The following PPP1R16B variants were observed in gnomAD, a reference collection of about 807,000 sequenced individuals.
PPP1R16B encodes the protein protein phosphatase 1 regulatory subunit 16B, also known as protein phosphatase 1 regulatory inhibitor subunit 16B.
A neutral mutation model predicts 61.7 loss-of-function variants in PPP1R16B; 14 were observed. The ratio of observed to expected loss-of-function variants is 0.23; its 90% CI spans 0.15 to 0.35. PPP1R16B has a LOEUF of 0.35. PPP1R16B is among the 10% of genes least tolerant of loss of function. The probability of loss-of-function intolerance (pLI) is 1.00; values close to 1 mark genes in which losing one functional copy is unlikely to be tolerated. For missense variants in PPP1R16B, 547 were observed against 752.5 expected (o/e 0.73, Z 3.19); for synonymous variants, 266 against 305.3 (o/e 0.87, Z 1.34).
chr20:38,893,671 C>G (rs1435658340), intron 3 of PPP1R16B, among the ~76,000 whole-genome samples: 2 of 152,074 alleles, frequency 1.3e-5, no homozygotes, highest in Admixed American at 6.6e-5. Flanking sequence ...GCCCACTCCA[C>G]CAGCTACCAC....
chr20:38,863,661 T>G (rs962643909), intron 2 of PPP1R16B, among the ~76,000 whole-genome samples: 2 of 152,164 alleles, frequency 1.3e-5, no homozygotes, highest in Non-Finnish European at 2.9e-5. Context: ...AACACCCACC[T>G]CAAGGGAATT....
At chr20:38,879,777 T>C (rs1483541478) in intron 2 of PPP1R16B, among the ~76,000 whole-genome samples, 1 of 152,174 alleles carries the variant, frequency 6.6e-6, no homozygotes, top group Non-Finnish European at 1.5e-5. Context: ...ACCCCTTCTG[T>C]CTAGCAGAGA....
chr20:38,851,537 T>G (rs1477330427), intron 2 of PPP1R16B, among the ~76,000 whole-genome samples: 1 of 151,824 alleles, frequency 6.6e-6, no homozygotes, highest in Admixed American at 6.6e-5. Flanking sequence ...TACAACAAAA[T>G]GTGATGGATC....
chr20:38,900,057 G>T (rs6028189), intron 4 of PPP1R16B, among the ~76,000 whole-genome samples: 3 of 151,984 alleles, frequency 2.0e-5, no homozygotes. Context: ...CCCTCCCAAA[G>T]TGCTGGGATT....
In PPP1R16B at chr20:38,806,447, G is replaced by A. The variant is rs1247641515; in HGVS notation, c.-102+655G>A. ...AGGGGCGCGCCCGGCCTCTCCCAGG[G>A]CCCCGTGCGCCGGCGGCTGGGTCCC... On this transcript the variant is annotated intron_variant, in intron 1 of 10. Transcript: ENST00000299824. The surrounding 1 kb of genome is among the most constrained non-coding windows in gnomAD (Gnocchi z 4.5). 6.6e-6 allele frequency among the ~76,000 whole-genome samples: 1 copy of A among 152,042 alleles called. No homozygotes were observed. The highest frequency in any genetic ancestry group is 1.5e-5 in the Non-Finnish European group (1 of 67,970).
chr20:38,860,067 G>A (rs144369842), intron 2 of PPP1R16B, among the ~76,000 whole-genome samples: 58 of 152,260 alleles, frequency 3.8e-4, no homozygotes, highest in Non-Finnish European at 7.5e-4. Flanking sequence ...TCCACCTTCC[G>A]AGTTCAAGTG....
chr20:38,809,985 G>GAAAAAAAAAAAAAAAAAAAAAAA (rs11086731), intron 1 of PPP1R16B, among the ~76,000 whole-genome samples: 1 of 80,150 alleles, frequency 1.2e-5, no homozygotes, highest in African/African-American at 4.7e-5. Context: ...ACCTTGTTTC[G>GAAAAAAAAAAAAAAAAAAAAAAA]AAAAAAAAAA....
At chr20:38,810,011 A>C (rs13039694) in intron 1 of PPP1R16B, among the ~76,000 whole-genome samples, 5 of 150,388 alleles carry the variant, frequency 3.3e-5, no homozygotes, top group African/African-American at 1.2e-4. Flanking sequence ...AAAAAACAAA[A>C]CCAAAAAACT....
In PPP1R16B at chr20:38,907,320, TGGATGGA is replaced by T. The variant is rs1356235163; in HGVS notation, c.898+267_898+273del. 1.5e-4 allele frequency among the ~76,000 whole-genome samples: 15 copies of T among 102,734 alleles called. No homozygotes were observed. The highest frequency in any genetic ancestry group is 3.2e-4 in the Non-Finnish European group (15 of 46,926). The allele number at this position is 102,734 out of a possible 152,430, so 67.4% of individuals were successfully genotyped here. On this transcript the variant is annotated intron_variant, in intron 8 of 10. Transcript: ENST00000299824. The surrounding 1 kb of genome is among the most constrained non-coding windows in gnomAD (Gnocchi z 4.5). ...ATGGATGGGTGGGTGGGTGGATGGA[TGGATGGA>T]TGGATGGATGGATGGATGGATAGAC...
chr20:38,817,565 C>CAAAA (rs773898309), intron 1 of PPP1R16B, among the ~76,000 whole-genome samples: 2 of 50,678 alleles, frequency 3.9e-5, no homozygotes. Flanking sequence ...AACTCCATCT[C>CAAAA]AAAAAAAAAA....
At chr20:38,894,690 C>G (rs1302239891) in intron 3 of PPP1R16B, among the ~76,000 whole-genome samples, 4 of 152,192 alleles carry the variant, frequency 2.6e-5, no homozygotes, top group African/African-American at 9.7e-5. Flanking sequence ...AGAGTTTCAT[C>G]CCGCAGTCTG....
At position 38,836,556 on chromosome 20, in the gene PPP1R16B, T is replaced by C. The variant is rs550288007; in HGVS notation, c.250+381T>C. 2.0e-5 allele frequency among the ~76,000 whole-genome samples: 3 copies of C among 152,338 alleles called. No homozygotes were observed. In the East Asian group the frequency reaches 5.8e-4, roughly 29 times the overall value. On this transcript the variant is annotated intron_variant, in intron 2 of 10. Transcript: ENST00000299824. ...AAAATTTGTAGAGATGGGGGTCTCA[T>C]TCTGTTGCCCTGGCTGGTCTCGAAT...
chr20:38,889,562 C>T (rs201731633), intron 2 of PPP1R16B, 33 bp from the exon 3 acceptor site: 133 of 1,528,458 alleles, frequency 8.7e-5, no homozygotes, highest in Non-Finnish European at 1.1e-4. Flanking sequence ...CAGTGTGCAA[C>T]GGGAAGCTCA....
chr20:38,896,662 G>T (rs1601299498), intron 4 of PPP1R16B, among the ~76,000 whole-genome samples: 2 of 151,954 alleles, frequency 1.3e-5, no homozygotes, highest in African/African-American at 4.8e-5. Context: ...CAGGTTAGTG[G>T]TATTAAGTAC....
chr20:38,855,907 C>CATATATATATATATATATAT (rs371138532), intron 2 of PPP1R16B, among the ~76,000 whole-genome samples: 2 of 17,776 alleles, frequency 1.1e-4, no homozygotes, highest in East Asian at 2.4e-3. Flanking sequence ...CAGTTTCCTA[C>CATATATATATATATATATAT]ATATATATAT....
In PPP1R16B at chr20:38,907,792, C is replaced by T; in HGVS notation, c.899-14C>T. ...TGGCCCCGTCCCCCACAACAGACTC[C>T]TCTGCCCCTTCAGACCTGTGCGAGG... On this transcript the variant is annotated splice_polypyrimidine_tract_variant and intron_variant, in intron 8 of 10. Transcript: ENST00000299824. This position sits in a 1 kb window ranked among gnomAD's most constrained non-coding sequence, Gnocchi z 4.5. 1.2e-6 allele frequency: 2 copies of T among 1,613,890 alleles called. No homozygotes were observed. Among genetic ancestry groups the T allele is most frequent in the Non-Finnish European group, 1.7e-6 (2 of 1,179,936 alleles).
At position 38,886,149 on chromosome 20, in the gene PPP1R16B, G is replaced by A. The variant is rs142146921; in HGVS notation, c.251-3446G>A. 1.1e-3 allele frequency among the ~76,000 whole-genome samples: 171 copies of A among 152,298 alleles called. 1 individual carries two copies. Among genetic ancestry groups the A allele is most frequent in the Middle Eastern group, 6.8e-3 (2 of 292 alleles). Reference sequence around the variant, plus strand: ...CAGGGAGCCCGGTTGTGCACTGGGCGCCGAGGACTTTGCTCCTGTGAGTAG... The same window carrying A: ...CAGGGAGCCCGGTTGTGCACTGGGCACCGAGGACTTTGCTCCTGTGAGTAG... On this transcript the variant is annotated intron_variant, in intron 2 of 10. Transcript: ENST00000299824.
chr20:38,853,779 G>A (rs1324955655), intron 2 of PPP1R16B, among the ~76,000 whole-genome samples: 2 of 152,232 alleles, frequency 1.3e-5, no homozygotes, highest in African/African-American at 2.4e-5. Flanking sequence ...GCTACAGGTA[G>A]CTGCTGGGTC....
intron 2 of PPP1R16B, among the ~76,000 whole-genome samples, chr20:38,861,030 G>T (rs1293847968): frequency 1.3e-5 from 2 of 151,942 alleles, no homozygotes; most frequent in African/African-American, 2.4e-5. Flanking sequence ...CCATTCCCTG[G>T]GTCCTCTTCA....
Sources: gnomAD v4.1 joint callset for allele counts (sites outside exome capture counted in the v4.1 genomes callset) on GRCh38, gnomAD v4.1.1 for gene constraint, Gnocchi (gnomAD v3.1) non-coding constraint, MANE v1.5 for transcripts, NCBI Gene and HGNC (gene_info 2026-07-23, HGNC 2026-07-21) for gene names.